Variants in DSC1 observed in about 807,000 individuals in gnomAD.
DSC1 encodes desmocollin-1.
DSC1 carries 79 observed loss-of-function variants against 98.8 expected under a neutral mutation model. That is an observed-to-expected ratio of 0.80 (90% CI 0.67 to 0.96). The LOEUF is 0.96. DSC1 is among the 50% of genes least tolerant of loss of function. The pLI is 0.00. For missense variants in DSC1, 1,115 were observed against 1,075.9 expected (o/e 1.04, Z -0.51); for synonymous variants, 405 against 372.1 (o/e 1.09, Z -1.02).
At chr18:31,132,218 T>C in intron 14 of DSC1, 1 of 347,380 alleles carries the variant, frequency 2.9e-6, no homozygotes, top group Non-Finnish European at 5.3e-6. Context: ...TGATTTCCAC[T>C]GCCATAAGCC....
intron 11 of DSC1, 22 bp downstream of exon 11, chr18:31,139,726 A>G (rs534535281): frequency 3.2e-6 from 5 of 1,550,848 alleles, no homozygotes; most frequent in Non-Finnish European, 3.5e-6. Context: ...TTTATATTTT[A>G]TCTGTAGAAA....
chr18:31,132,874 T>C (rs1988527207), intron 13 of DSC1, among the ~76,000 whole-genome samples, 185 bp from the exon 14 acceptor site: 1 of 152,200 alleles, frequency 6.6e-6, no homozygotes, highest in South Asian at 2.1e-4. Flanking sequence ...GAGAGATTAA[T>C]AATAGCTCTC....
intron 2 of DSC1, 94 bp downstream of exon 2, chr18:31,159,351 C>A (rs1288161653): frequency 4.6e-6 from 6 of 1,301,764 alleles, no homozygotes. Flanking sequence ...CCGCGCCCGG[C>A]CTACTATGTG....
intron 2 of DSC1, among the ~76,000 whole-genome samples, chr18:31,159,155 G>A (rs576830304): frequency 3.0e-4 from 27 of 89,726 alleles, no homozygotes; most frequent in African/African-American, 1.0e-3. Flanking sequence ...TTGGGTTCAC[G>A]CCATTCTCCT....
chr18:31,140,382 A>G (rs1988709174), intron 9 of DSC1, 81 bp from the exon 10 acceptor site: 1 of 1,392,672 alleles, frequency 7.2e-7, no homozygotes, highest in African/African-American at 1.5e-5. Context: ...CTACAAAGGA[A>G]TATCATTTTT....
At chr18:31,151,201 T>C (rs1249640192) in intron 5 of DSC1, among the ~76,000 whole-genome samples, 2 of 152,246 alleles carry the variant, frequency 1.3e-5, no homozygotes, top group Non-Finnish European at 2.9e-5. Context: ...TACAAGTAAA[T>C]ATTATTTCAC....
In DSC1 at chr18:31,143,810, C is replaced by A; in HGVS notation, c.940-19G>T. On this transcript the variant is annotated intron_variant, in intron 7 of 15. Transcript: ENST00000257198. ...CACATTTCTGAAAAAAAGGAAAAAA[C>A]TACATTAATGAACACTTTTATTTCC... The A allele has an allele frequency of 6.5e-7, 1 of 1,537,778 alleles. No individual in the cohort carries two copies. Among genetic ancestry groups the A allele is most frequent in the Non-Finnish European group, 8.7e-7 (1 of 1,145,968 alleles).
chr18:31,157,182 T>C (rs1989114705), intron 3 of DSC1, among the ~76,000 whole-genome samples, 189 bp downstream of exon 3: 2 of 152,218 alleles, frequency 1.3e-5, no homozygotes, highest in Admixed American at 6.5e-5. Flanking sequence ...TTCATCTTTA[T>C]AAAAGTTTGT....
Position 31,134,651 on chromosome 18 carries a change from A to G in DSC1, c.1797T>C (p.Asp599=). 1 of 1,613,092 alleles carries G rather than the reference A, an allele frequency of 6.2e-7. No individual in the cohort carries two copies. Among genetic ancestry groups the G allele is most frequent in the South Asian group, 1.1e-5 (1 of 90,988 alleles). Residue 599 remains aspartate (D), a synonymous_variant, in exon 12 of 16, where the codon GAT becomes GAC. Transcript: ENST00000257198. ...DFAVLKPVDP[D]GPENGPPFQF... ...GAAAAGGTGGTCCATTTTCAGGTCC[A>G]TCTGGATCTACAGGTTTCAGAACAG...
chr18:31,161,840 A>T (rs1989215064), intron 1 of DSC1, among the ~76,000 whole-genome samples: 1 of 152,178 alleles, frequency 6.6e-6, no homozygotes, highest in Non-Finnish European at 1.5e-5. Context: ...ATTTCTAAAA[A>T]TATATTTTGA....
At chr18:31,151,112 C>T (rs903109338) in intron 5 of DSC1, among the ~76,000 whole-genome samples, 2 of 152,228 alleles carry the variant, frequency 1.3e-5, no homozygotes, top group South Asian at 2.1e-4. Flanking sequence ...CTTAGTTTTT[C>T]TCTTCAATGG....
chr18:31,140,381 A>C lies in DSC1; in HGVS notation c.1261-80T>G, dbSNP rs182675801. 844 of 1,395,322 alleles carry C rather than the reference A, an allele frequency of 6.0e-4. 10 individuals are homozygous for C. In the African/African-American group the frequency reaches 0.011, roughly 18 times the overall value. The allele number at this position is 1,395,322 out of a possible 1,614,324, so 86.4% of individuals were successfully genotyped here. A position where few individuals can be genotyped will look rare whatever the true frequency, so the allele number is the denominator to read the frequency against. On this transcript the variant is annotated intron_variant, in intron 9 of 15. Transcript: ENST00000257198. ...CTAATTTCAAATTTTCCTACAAAGG[A>C]ATATCATTTTTACATTTAAAATGTA...
At chr18:31,150,879 C>G (rs1988989668) in intron 5 of DSC1, 1 of 152,220 alleles carries the variant, frequency 6.6e-6, no homozygotes, top group Non-Finnish European at 1.5e-5. Flanking sequence ...AACACACTGC[C>G]TTACCTTGGG....
At chr18:31,139,931 A>C (rs115804162) in intron 10 of DSC1, 41 bp from the exon 11 acceptor site, 1 of 1,575,768 alleles carries the variant, frequency 6.3e-7, no homozygotes, top group East Asian at 2.2e-5. Context: ...AAATCAAAGA[A>C]GGGACATGAT....
chr18:31,132,798 GCTCTTCA>G (rs1315663740), intron 13 of DSC1, 109 bp from the exon 14 acceptor site: 5 of 999,608 alleles, frequency 5.0e-6, no homozygotes, highest in Non-Finnish European at 7.2e-6. Context: ...CACAAATTGA[GCTCTTCA>G]GGTCACAAGA....
Position 31,130,458 on chromosome 18 carries a change from C to A in DSC1, c.*56G>T. 1 of 1,588,520 alleles carries A rather than the reference C, an allele frequency of 6.3e-7. No homozygotes were observed. The stretch of plus-strand genomic sequence containing the variant: ...ATTAGCAGATGCTGCTAACATTCTG[C>A]AAGTAATAAATTCCTACTTATGCAT... On this transcript the variant is annotated 3_prime_UTR_variant, in exon 16 of 16. Transcript: ENST00000257198.
intron 5 of DSC1, among the ~76,000 whole-genome samples, chr18:31,149,663 G>A (rs560697849): frequency 2.5e-4 from 38 of 152,194 alleles, no homozygotes; most frequent in African/African-American, 8.4e-4. Flanking sequence ...TTTTAACCAC[G>A]ATACTCACTA....
chr18:31,154,616 T>A (rs1292287870), intron 5 of DSC1, among the ~76,000 whole-genome samples, 158 bp downstream of exon 5: 3 of 152,178 alleles, frequency 2.0e-5, no homozygotes, highest in Non-Finnish European at 4.4e-5. Flanking sequence ...TTTTTCCCCA[T>A]CAATGGTGAA....
intron 14 of DSC1, 149 bp downstream of exon 14, chr18:31,132,419 A>G: frequency 9.0e-7 from 1 of 1,108,280 alleles, no homozygotes; most frequent in Non-Finnish European, 1.3e-6. Context: ...GGAGGTTTAA[A>G]TGATTTAAAA....
Sources: gnomAD v4.1 joint callset for allele counts (sites outside exome capture counted in the v4.1 genomes callset) on GRCh38, gnomAD v4.1.1 for gene constraint, MANE v1.5 for transcripts, NCBI Gene and HGNC (gene_info 2026-07-23, HGNC 2026-07-21) for gene names.